Variants in HTR2C observed in about 807,000 individuals in gnomAD.
The protein encoded by HTR2C is 5-hydroxytryptamine (serotonin) receptor 2C, G protein-coupled.
A neutral mutation model predicts 21.0 loss-of-function variants in HTR2C; 5 were observed. The observed-to-expected ratio is 0.24, with a 90% CI of 0.12 to 0.50. The LOEUF (loss-of-function observed/expected upper bound fraction) is 0.50. Ranked by LOEUF, HTR2C falls within the 20% of genes least tolerant of loss-of-function variation. The probability of loss-of-function intolerance (pLI) is 0.98; values close to 1 mark genes in which losing one functional copy is unlikely to be tolerated. For missense variants in HTR2C, 271 were observed against 371.2 expected (o/e 0.73, Z 2.22); for synonymous variants, 150 against 145.3 (o/e 1.03, Z -0.23).
At chrX:114,598,513 G>C (rs1927954780) in intron 1 of HTR2C, among the ~76,000 whole-genome samples, 1 of 111,434 alleles carries the variant, frequency 9.0e-6, no homozygotes, top group South Asian at 3.7e-4. Flanking sequence ...ATAGAAATAT[G>C]TAAGGTCCCT....
intron 2 of HTR2C, among the ~76,000 whole-genome samples, chrX:114,680,316 T>C (rs1931704932): frequency 8.9e-6 from 1 of 112,298 alleles, no homozygotes; most frequent in Non-Finnish European, 1.9e-5. Context: ...TCTACACTTC[T>C]AGGGTGTTTT....
At chrX:114,723,656 G>A (rs1162125782) in intron 2 of HTR2C, among the ~76,000 whole-genome samples, 1 of 110,001 alleles carries the variant, frequency 9.1e-6, no homozygotes, top group Non-Finnish European at 1.9e-5. Flanking sequence ...GGCACTTAGT[G>A]CTATAAATTT....
chrX:114,654,507 A>G (rs1211435826), intron 2 of HTR2C, among the ~76,000 whole-genome samples: 1 of 109,805 alleles, frequency 9.1e-6, no homozygotes, highest in Non-Finnish European at 1.9e-5. Context: ...TTCAATTGCC[A>G]TAATTGTAGA....
intron 4 of HTR2C, among the ~76,000 whole-genome samples, chrX:114,807,193 CATAT>C (rs782268894): frequency 0.34 from 1,445 of 4,219 alleles, 383 homozygotes; most frequent in Non-Finnish European, 0.67. Flanking sequence ...ATATATACAC[CATAT>C]ATATATACAC....
At chrX:114,735,348 C>A (rs908478752) in intron 4 of HTR2C, among the ~76,000 whole-genome samples, 1 of 110,220 alleles carries the variant, frequency 9.1e-6, no homozygotes, top group Non-Finnish European at 1.9e-5. Flanking sequence ...AATAAAATTA[C>A]AAAATAAAGC....
intron 4 of HTR2C, among the ~76,000 whole-genome samples, chrX:114,764,917 TTCTTTCTTTTCC>T (rs1251632383): frequency 5.3e-4 from 34 of 64,164 alleles, no homozygotes; most frequent in African/African-American, 1.7e-3. Flanking sequence ...CTTTCTTTCT[TTCTTTCTTTTCC>T]TTCCTTCCTT....
chrX:114,835,498 C>T lies in HTR2C; in HGVS notation c.350-12505C>T, dbSNP rs1195262700. Among the ~76,000 whole-genome samples the T allele has an allele frequency of 7.3e-5, 8 of 109,245 alleles. No homozygotes were observed. In the South Asian group the frequency reaches 1.6e-3, roughly 22 times the overall value. The allele number at this position is 109,245 out of a possible 115,157, so 94.9% of individuals were successfully genotyped here. On this transcript the variant is annotated intron_variant, in intron 4 of 5. Coordinates refer to ENST00000276198, the MANE Select transcript of HTR2C (RefSeq NM_000868.4). ...TACCCTTTCTTCCAGTTGATCGCAT[C>T]GGCTCCTGAGGCTTCTGCATTCTTC...
intron 2 of HTR2C, among the ~76,000 whole-genome samples, chrX:114,618,197 C>G (rs1303437375): frequency 8.9e-6 from 1 of 111,964 alleles, no homozygotes; most frequent in Non-Finnish European, 1.9e-5. Flanking sequence ...ATTTTTCACT[C>G]AATAGTCTGT....
chrX:114,682,818 C>T (rs1931789436), intron 2 of HTR2C, among the ~76,000 whole-genome samples: 1 of 111,612 alleles, frequency 9.0e-6, no homozygotes, highest in African/African-American at 3.3e-5. Context: ...TCTTACATTT[C>T]TCTTTAGGCT....
At chrX:114,616,578 C>T (rs180781094) in intron 2 of HTR2C, among the ~76,000 whole-genome samples, 12 of 105,556 alleles carry the variant, frequency 1.1e-4, no homozygotes, top group Non-Finnish European at 1.6e-4. Flanking sequence ...TAAGCCACCG[C>T]GCCCAGCATT....
At chrX:114,605,274 G>A (rs1377621530) in intron 1 of HTR2C, among the ~76,000 whole-genome samples, 1,129 of 82,023 alleles carry the variant, frequency 0.014, no homozygotes, top group East Asian at 0.041. Flanking sequence ...CAGGTGTGAG[G>A]AGGGGAGGTG....
chrX:114,600,718 T>C (rs1777114248), intron 1 of HTR2C, among the ~76,000 whole-genome samples: 1 of 111,584 alleles, frequency 9.0e-6, no homozygotes, highest in Non-Finnish European at 1.9e-5. Context: ...CTTTATACTT[T>C]TGTAGCATAA....
At chrX:114,646,168 T>C (rs904211175) in intron 2 of HTR2C, among the ~76,000 whole-genome samples, 7 of 112,177 alleles carry the variant, frequency 6.2e-5, no homozygotes, top group Non-Finnish European at 1.3e-4. Context: ...AAATATCATT[T>C]GAAATTAGGT....
Position 114,871,244 on chromosome X carries a change from T to C in HTR2C, c.550+23041T>C, listed in dbSNP as rs374076119. Reference sequence around the variant, plus strand: ...GTACTTGTATAGTTTCCAAAATTCTTCTTGTTATTAATTTCTAGTTTTATT... The same window carrying C: ...GTACTTGTATAGTTTCCAAAATTCTCCTTGTTATTAATTTCTAGTTTTATT... On this transcript the variant is annotated intron_variant, in intron 5 of 5. Transcript: ENST00000276198. Among the ~76,000 whole-genome samples the C allele has an allele frequency of 2.7e-5, 3 of 111,878 alleles. No homozygotes were observed. The East Asian group carries it at 8.4e-4, about 31-fold the overall frequency.
At chrX:114,607,917 G>T (rs781861048) in intron 1 of HTR2C, among the ~76,000 whole-genome samples, 4 of 111,189 alleles carry the variant, frequency 3.6e-5, no homozygotes, top group African/African-American at 1.3e-4. Context: ...GAACCGGGAG[G>T]TGGAGGCTGC....
rs1490431314 is a variant in HTR2C, at chrX:114,712,278, T to C, written c.-79-14580T>C. 3.6e-5 allele frequency among the ~76,000 whole-genome samples: 4 copies of C among 111,741 alleles called. No individual in the cohort carries two copies. In the East Asian group the frequency reaches 1.1e-3, roughly 32 times the overall value. ...TGCATAACATAAAAGGTCTGTAAAATTACCTGAAAGGCAAAGGTGTCACAC... is the reference window on the plus strand; with the variant it reads ...TGCATAACATAAAAGGTCTGTAAAACTACCTGAAAGGCAAAGGTGTCACAC... On this transcript the variant is annotated intron_variant, in intron 2 of 5. Coordinates refer to ENST00000276198, the MANE Select transcript of HTR2C (RefSeq NM_000868.4).
chrX:114,817,381 C>T (rs2070595362), intron 4 of HTR2C, among the ~76,000 whole-genome samples: 1 of 111,605 alleles, frequency 9.0e-6, no homozygotes, highest in African/African-American at 3.2e-5. Context: ...TAACACAAAA[C>T]TTACATTGGA....
At chrX:114,605,524 A>G (rs1426023271) in intron 1 of HTR2C, among the ~76,000 whole-genome samples, 6 of 111,054 alleles carry the variant, frequency 5.4e-5, no homozygotes, top group Non-Finnish European at 1.1e-4. Context: ...GTGTAAAAGA[A>G]TGCCTGGACG....
At chrX:114,890,585 C>T (rs1353851532) in intron 5 of HTR2C, among the ~76,000 whole-genome samples, 1 of 111,844 alleles carries the variant, frequency 8.9e-6, no homozygotes, top group African/African-American at 3.2e-5. Context: ...TTTCATTTCA[C>T]CTTCAATTTT....
Sources: allele counts gnomAD v4.1 joint callset (sites outside exome capture counted in the v4.1 genomes callset), GRCh38; gene constraint gnomAD v4.1.1; transcripts MANE v1.5; gene names NCBI Gene and HGNC (gene_info 2026-07-23, HGNC 2026-07-21).